The following TESK2 variants were observed in gnomAD, a reference collection of about 807,000 sequenced individuals.
TESK2 encodes the protein testis associated actin remodelling kinase 2, also known as dual specificity testis-specific protein kinase 2.
A neutral mutation model predicts 57.1 loss-of-function variants in TESK2; 39 were observed. The observed-to-expected ratio is 0.68, with a 90% CI of 0.53 to 0.89. TESK2 has a LOEUF of 0.89. TESK2 is among the 40% of genes least tolerant of loss of function. The pLI, the probability that TESK2 is intolerant of heterozygous loss-of-function variation, is 0.00. For missense variants in TESK2, 646 were observed against 732.1 expected (o/e 0.88, Z 1.36); for synonymous variants, 249 against 267.9 (o/e 0.93, Z 0.69).
chr1:45,474,122 T>C (rs1186545012), intron 1 of TESK2, among the ~76,000 whole-genome samples: 1 of 152,028 alleles, frequency 6.6e-6, no homozygotes, highest in Non-Finnish European at 1.5e-5. Flanking sequence ...TCACCTGACC[T>C]CAGGAGTTCG....
chr1:45,487,696 T>G (rs1241971402), intron 1 of TESK2, among the ~76,000 whole-genome samples: 1 of 152,200 alleles, frequency 6.6e-6, no homozygotes, highest in African/African-American at 2.4e-5. Context: ...GCTTGGTCCC[T>G]TGGAATGAAA....
In TESK2 at chr1:45,347,665, C is replaced by G; in HGVS notation, c.652G>C (p.Gly218Arg). ...TCAGGTGCCATCCAGAATGGGGAAC[C>G]CACCACGGCCAGCTTCTCACTCCCC... ...SMGSEKLAVV[G>R]SPFWMAPEVL... Residue 218 changes from glycine (G) to arginine (R), a missense_variant, in exon 7 of 11, where the codon GGT (glycine) becomes CGT (arginine). Coordinates refer to ENST00000372086, the MANE Select transcript of TESK2 (RefSeq NM_007170.3). The G allele has an allele frequency of 3.7e-6, 6 of 1,614,140 alleles. No homozygotes were observed. Among genetic ancestry groups the G allele is most frequent in the Non-Finnish European group, 5.1e-6 (6 of 1,180,026 alleles).
chr1:45,345,823 C>T, intron 10 of TESK2, 54 bp downstream of exon 10: 1 of 1,425,558 alleles, frequency 7.0e-7, no homozygotes, highest in African/African-American at 1.4e-5. Context: ...GAAGGCCCCA[C>T]ATCCGAATTT....
At chr1:45,404,232 G>A (rs1206955749) in intron 3 of TESK2, among the ~76,000 whole-genome samples, 1 of 152,208 alleles carries the variant, frequency 6.6e-6, no homozygotes, top group East Asian at 1.9e-4. Flanking sequence ...GAAAGAAAAT[G>A]TCAATCTACT....
intron 1 of TESK2, among the ~76,000 whole-genome samples, chr1:45,462,252 C>T (rs2149301474): frequency 6.6e-6 from 1 of 151,542 alleles, no homozygotes; most frequent in South Asian, 2.1e-4. Context: ...TCCATCCATG[C>T]TGTTGCAAAA....
At chr1:45,369,131 C>A (rs1449174632) in intron 4 of TESK2, among the ~76,000 whole-genome samples, 4 of 152,150 alleles carry the variant, frequency 2.6e-5, no homozygotes, top group Non-Finnish European at 5.9e-5. Flanking sequence ...AGCCTTGTGA[C>A]CTAAAAGCCT....
At chr1:45,472,203 G>A (rs1280060140) in intron 1 of TESK2, among the ~76,000 whole-genome samples, 2 of 149,118 alleles carry the variant, frequency 1.3e-5, no homozygotes, top group Admixed American at 6.8e-5. Flanking sequence ...AGTGAGCCGA[G>A]ATAGTGCCAC....
intron 1 of TESK2, among the ~76,000 whole-genome samples, chr1:45,472,558 C>CAA (rs11294894): frequency 1.9e-5 from 2 of 107,040 alleles, no homozygotes; most frequent in Non-Finnish European, 3.9e-5. Flanking sequence ...AACTCCATCT[C>CAA]AAAAAAAAAA....
intron 1 of TESK2, among the ~76,000 whole-genome samples, chr1:45,488,910 C>T (rs770851463): frequency 1.3e-5 from 2 of 152,174 alleles, no homozygotes; most frequent in Admixed American, 1.3e-4. Flanking sequence ...CCCTGTAACC[C>T]CAGCTCTTTG....
At chr1:45,409,016 C>G (rs150911476) in intron 3 of TESK2, among the ~76,000 whole-genome samples, 50 of 152,214 alleles carry the variant, frequency 3.3e-4, no homozygotes, top group African/African-American at 1.2e-3. Flanking sequence ...ATTTTTAGCC[C>G]AAGCCTGACA....
intron 1 of TESK2, among the ~76,000 whole-genome samples, chr1:45,482,735 C>T (rs781068): frequency 1 from 152,002 of 152,126 alleles, 75,941 homozygotes; most frequent in Non-Finnish European, 1. Flanking sequence ...ATCCAGGCAC[C>T]CTGGGAGGCC....
chr1:45,455,411 C>T (rs1174488559), intron 2 of TESK2, among the ~76,000 whole-genome samples: 1 of 152,148 alleles, frequency 6.6e-6, no homozygotes, highest in Non-Finnish European at 1.5e-5. Context: ...TGCCACACTT[C>T]GGCCCACTTC....
intron 1 of TESK2, among the ~76,000 whole-genome samples, chr1:45,474,616 G>A (rs562768886): frequency 6.6e-6 from 1 of 152,104 alleles, no homozygotes; most frequent in African/African-American, 2.4e-5. Flanking sequence ...GGGATTACAG[G>A]TGCGTACCAC....
At chr1:45,391,829 G>A (rs1037482225) in intron 3 of TESK2, among the ~76,000 whole-genome samples, 3 of 152,162 alleles carry the variant, frequency 2.0e-5, no homozygotes, top group Non-Finnish European at 2.9e-5. Context: ...TTAGCATTAA[G>A]TTAAGTGGTC....
chr1:45,475,688 G>A (rs1652961707), intron 1 of TESK2, among the ~76,000 whole-genome samples: 2 of 152,152 alleles, frequency 1.3e-5, no homozygotes, highest in South Asian at 4.1e-4. Context: ...GTGCGGCCAA[G>A]GGAGATTAAC....
chr1:45,411,779 G>A (rs1650048114), intron 3 of TESK2, among the ~76,000 whole-genome samples: 1 of 152,164 alleles, frequency 6.6e-6, no homozygotes, highest in Non-Finnish European at 1.5e-5. Context: ...TGGCATGGCT[G>A]GCCTTGAGTC....
At chr1:45,361,541 A>G (rs769764042) in intron 4 of TESK2, among the ~76,000 whole-genome samples, 1 of 152,234 alleles carries the variant, frequency 6.6e-6, no homozygotes, top group Non-Finnish European at 1.5e-5. Context: ...TCACGGTCTA[A>G]TAAAATAACA....
intron 2 of TESK2, among the ~76,000 whole-genome samples, chr1:45,447,343 AT>A (rs113040280): frequency 8.0e-5 from 12 of 149,710 alleles, no homozygotes; most frequent in Admixed American, 1.3e-4. Context: ...TTTCTATTAA[AT>A]TTTTTTTTTT....
chr1:45,380,488 T>A (rs1189603738), intron 4 of TESK2, among the ~76,000 whole-genome samples: 2 of 152,200 alleles, frequency 1.3e-5, no homozygotes, highest in Non-Finnish European at 2.9e-5. Flanking sequence ...GAGGCATCTC[T>A]TTCTCTTCTC....
Sources: allele counts gnomAD v4.1 joint callset (sites outside exome capture counted in the v4.1 genomes callset), GRCh38; gene constraint gnomAD v4.1.1; transcripts MANE v1.5; gene names NCBI Gene and HGNC (gene_info 2026-07-23, HGNC 2026-07-21).